Variants in USP35 observed in about 807,000 individuals in gnomAD.
The protein encoded by USP35 is ubiquitin carboxyl-terminal hydrolase 35.
USP35 carries 69 observed loss-of-function variants against 83.8 expected under a neutral mutation model. That is an observed-to-expected ratio of 0.82 (90% CI 0.68 to 1.01). USP35 has a LOEUF of 1.01. Among genes scored for constraint, USP35 ranks in the 50% least tolerant of loss-of-function variants. The pLI, the probability that USP35 is intolerant of heterozygous loss-of-function variation, is 0.00. For synonymous variants in USP35, 714 were observed against 589.5 expected (o/e 1.21, Z -3.06); for missense variants, 1,503 against 1,362.5 (o/e 1.10, Z -1.62).
At chr11:78,234,547 G>C in the USP35 span, among the ~76,000 whole-genome samples, 2 of 148,194 alleles carry the variant, frequency 1.3e-5, no homozygotes, top group East Asian at 3.9e-4. Flanking sequence ...TTCTCCATTG[G>C]CATCTATATA....
rs778726692 is a variant in USP35, at chr11:78,207,538, A to G, written c.1400A>G (p.His467Arg). ...CCTGCTTTGTTTTGAAGCTTCAGAC[A>G]TTGTGTGCTCCGCTTGACTGAGAAC... ...QALFMASDFR[H>R]CVLRLTENNS... The change falls in exon 8 of 11, where the codon CAT (histidine) becomes CGT (arginine). Residue 467 changes from histidine (H) to arginine (R), a missense_variant. Transcript: ENST00000529308. The G allele has an allele frequency of 6.2e-7, 1 of 1,614,070 alleles. No homozygotes were observed. Among genetic ancestry groups the G allele is most frequent in the East Asian group, 2.2e-5 (1 of 44,886 alleles).
the USP35 span, chr11:78,223,478 C>A: frequency 6.2e-7 from 1 of 1,601,830 alleles, no homozygotes; most frequent in Non-Finnish European, 8.5e-7. Context: ...CTGCTGGGGC[C>A]TCGGTGCACA....
At chr11:78,230,712 T>C in the USP35 span, among the ~76,000 whole-genome samples, 2 of 151,982 alleles carry the variant, frequency 1.3e-5, no homozygotes, top group Admixed American at 1.3e-4. Context: ...GTAAGAGGAG[T>C]TGAACAAGGG....
intron 10 of USP35, among the ~76,000 whole-genome samples, chr11:78,212,689 G>A (rs536707942): frequency 7.9e-4 from 120 of 152,266 alleles, no homozygotes; most frequent in African/African-American, 2.8e-3. Flanking sequence ...TTGGCTCCCT[G>A]CTTCTTGTTG....
At chr11:78,193,550 A>T (rs1341992009) in intron 1 of USP35, among the ~76,000 whole-genome samples, 1 of 151,640 alleles carries the variant, frequency 6.6e-6, no homozygotes, top group Admixed American at 6.6e-5. Context: ...TTGAGATTAT[A>T]CCTTGCAGGG....
chr11:78,190,630 A>ACATGGAT (rs1862976562), intron 1 of USP35, among the ~76,000 whole-genome samples: 1 of 152,168 alleles, frequency 6.6e-6, no homozygotes, highest in Non-Finnish European at 1.5e-5. Flanking sequence ...GGAGACAGAG[A>ACATGGAT]CATGGATTCC....
intron 1 of USP35, among the ~76,000 whole-genome samples, chr11:78,194,827 G>A (rs1863095703): frequency 1.3e-5 from 2 of 152,214 alleles, no homozygotes; most frequent in South Asian, 4.1e-4. Context: ...AAAACCTGAA[G>A]CTGCCCTCAA....
At chr11:78,206,912 A>T (rs1863545294) in intron 7 of USP35, among the ~76,000 whole-genome samples, 1 of 151,768 alleles carries the variant, frequency 6.6e-6, no homozygotes, top group South Asian at 2.1e-4. Flanking sequence ...GACCCTTCCC[A>T]CTAGGAGCCA....
chr11:78,191,520 C>T (rs1384274413), intron 1 of USP35, among the ~76,000 whole-genome samples: 1 of 152,208 alleles, frequency 6.6e-6, no homozygotes, highest in Non-Finnish European at 1.5e-5. Flanking sequence ...GAACACCTAC[C>T]TCCATGGTGG....
chr11:78,217,706 C>A (rs1249630651), downstream of USP35: 1 of 152,280 alleles, frequency 6.6e-6, no homozygotes, highest in Non-Finnish European at 1.5e-5. Context: ...ATGCCCTACA[C>A]CCCGTCCCTG....
chr11:78,213,906 G>T lies in USP35; in HGVS notation c.*93G>T. ...GGCAGGCCCTACCAAGAGGAAGGAT[G>T]GTACAGCTCATGGCACCTTAGTCCT... is the stretch of plus-strand genomic sequence containing the variant. On this transcript the variant is annotated 3_prime_UTR_variant, in exon 11 of 11. Transcript: ENST00000529308. 1 of 1,427,490 alleles carries T rather than the reference G, an allele frequency of 7.0e-7. No individual in the cohort carries two copies. 88.4% of individuals were successfully genotyped at this position (1,427,490 alleles called of 1,614,324 possible).
At chr11:78,208,712 A>G (rs909107106) in intron 8 of USP35, 145 bp from the exon 9 acceptor site, 5 of 844,064 alleles carry the variant, frequency 5.9e-6, no homozygotes, top group Admixed American at 4.0e-5. Flanking sequence ...GTCAGGGACA[A>G]TAGAAAAGCG....
At chr11:78,232,187 G>C in the USP35 span, among the ~76,000 whole-genome samples, 1 of 152,188 alleles carries the variant, frequency 6.6e-6, no homozygotes, top group South Asian at 2.1e-4. Flanking sequence ...GATTAATGAT[G>C]GGTAAGCTCT....
In USP35 at chr11:78,210,314, G is replaced by T; in HGVS notation, c.2459G>T (p.Arg820Leu). The change falls in exon 10 of 11, where the codon CGC (arginine) becomes CTC (leucine). Residue 820 changes from arginine (R) to leucine (L), a missense_variant. Coordinates refer to ENST00000529308, the MANE Select transcript of USP35 (RefSeq NM_020798.4). ...RFSFDLRTMRRRKILDDVSIP... is the reference protein window; with the variant it reads ...RFSFDLRTMRLRKILDDVSIP... ...TCTTTCGACCTGCGCACCATGCGGC[G>T]CCGCAAGATCCTGGATGACGTCTCC... is the stretch of plus-strand genomic sequence containing the variant. 1.2e-6 allele frequency: 2 copies of T among 1,613,474 alleles called. No individual in the cohort carries two copies. Among genetic ancestry groups the T allele is most frequent in the African/African-American group, 2.7e-5 (2 of 75,064 alleles).
chr11:78,204,764 ATGTG>A (rs1863482782), intron 6 of USP35, among the ~76,000 whole-genome samples: 1 of 152,156 alleles, frequency 6.6e-6, no homozygotes, highest in African/African-American at 2.4e-5. Context: ...CTCCTTGGTT[ATGTG>A]TGTGTGTTTT....
intron 6 of USP35, among the ~76,000 whole-genome samples, chr11:78,202,491 G>A (rs1680445581): frequency 1.3e-5 from 2 of 152,032 alleles, no homozygotes; most frequent in South Asian, 4.2e-4. Context: ...AGTACCCAAG[G>A]GTAACCTGGT....
At chr11:78,210,853 T>C in intron 10 of USP35, 109 bp downstream of exon 10, 5 of 1,212,928 alleles carry the variant, frequency 4.1e-6, no homozygotes, top group Non-Finnish European at 5.6e-6. Flanking sequence ...GTAAATCCCA[T>C]TCATCTGTTG....
Position 78,210,405 on chromosome 11 carries a change from G to T in USP35, c.2550G>T (p.Val850=), listed in dbSNP as rs112932065. 3.4e-3 allele frequency: 5,478 copies of T among 1,614,014 alleles called. 160 individuals are homozygous for T. The African/African-American group carries it at 0.063, about 18-fold the overall frequency. ...GCCAGGCCTATGACCTCTGCAGTGT[G>T]GTGGTGCACTCTGGAGTGTCTTCGG... is the stretch of plus-strand genomic sequence containing the variant. ...GRGQAYDLCS[V]VVHSGVSSES... The change falls in exon 10 of 11, where the codon GTG becomes GTT. Residue 850 remains valine, a synonymous_variant. Transcript: ENST00000529308.
downstream of USP35, chr11:78,215,471 A>AATAAATTAATAACTTAAGTGATT (rs1199378846): frequency 6.6e-6 from 1 of 152,662 alleles, no homozygotes; most frequent in East Asian, 1.9e-4. Context: ...AATACAACAG[A>AATAAATTAATAACTTAAGTGATT]ATAAATTAAT....
Sources: gnomAD v4.1 joint callset for allele counts (sites outside exome capture counted in the v4.1 genomes callset) on GRCh38, gnomAD v4.1.1 for gene constraint, MANE v1.5 for transcripts, NCBI Gene and HGNC (gene_info 2026-07-23, HGNC 2026-07-21) for gene names.